TTC7B: variants seen among roughly 807,000 people sequenced by gnomAD.
TTC7B encodes the protein tetratricopeptide repeat domain 7B.
In TTC7B, 28 loss-of-function variants were observed where a neutral mutation model predicts 106.8. The observed-to-expected ratio is 0.26, with a 90% CI of 0.19 to 0.36. TTC7B has a LOEUF of 0.36. Ranked by LOEUF, TTC7B falls within the 10% of genes least tolerant of loss-of-function variation. The pLI, the probability that TTC7B is intolerant of heterozygous loss-of-function variation, is 1.00. For synonymous variants in TTC7B, 405 were observed against 430.6 expected (o/e 0.94, Z 0.74); for missense variants, 862 against 1,076.4 (o/e 0.80, Z 2.79).
In TTC7B at chr14:90,637,210, C is replaced by T. The variant is rs911412656; in HGVS notation, c.1751+6838G>A. On this transcript the variant is annotated intron_variant, in intron 15 of 19. Transcript: ENST00000328459. Reference sequence around the variant, plus strand: ...TTGAAAAAAACTTAACCAACAAATGCCATATGAAAAATAAACATTATGAAT... The same window carrying T: ...TTGAAAAAAACTTAACCAACAAATGTCATATGAAAAATAAACATTATGAAT... 4.0e-5 allele frequency among the ~76,000 whole-genome samples: 6 copies of T among 151,186 alleles called. No homozygotes were observed. In the South Asian group the frequency reaches 8.4e-4, roughly 21 times the overall value.
At chr14:90,588,571 C>T (rs942002328) in intron 18 of TTC7B, among the ~76,000 whole-genome samples, 1 of 152,102 alleles carries the variant, frequency 6.6e-6, no homozygotes, top group African/African-American at 2.4e-5. Flanking sequence ...AGGAATGGCT[C>T]CTGAGGAACC....
At chr14:90,798,509 G>A (rs903072119) in intron 1 of TTC7B, among the ~76,000 whole-genome samples, 4 of 152,088 alleles carry the variant, frequency 2.6e-5, no homozygotes, top group Non-Finnish European at 4.4e-5. Flanking sequence ...TCAAGAGTTC[G>A]AGACCAGCCT....
intron 17 of TTC7B, among the ~76,000 whole-genome samples, chr14:90,604,817 T>C (rs1892572528): frequency 1.3e-5 from 2 of 152,220 alleles, no homozygotes; most frequent in African/African-American, 2.4e-5. Flanking sequence ...TTGCTGTTCA[T>C]GGACAGGTTC....
At position 90,805,065 on chromosome 14, in the gene TTC7B, A is replaced by T. The variant is rs2030525117; in HGVS notation, c.121+11110T>A. Among the ~76,000 whole-genome samples, 1 of 152,034 alleles carries T rather than the reference A, an allele frequency of 6.6e-6. No homozygotes were observed. Among genetic ancestry groups the T allele is most frequent in the African/African-American group, 2.4e-5 (1 of 41,388 alleles). ...AGGCAGGGCTACACAGCCACCCTGG[A>T]GATGACACCAACAGTCTTCGGCGTG... On this transcript the variant is annotated intron_variant, in intron 1 of 19. Coordinates refer to ENST00000328459, the MANE Select transcript of TTC7B (RefSeq NM_001010854.2). The surrounding 1 kb of genome is among the most constrained non-coding windows in gnomAD (Gnocchi z 4.0).
intron 6 of TTC7B, among the ~76,000 whole-genome samples, chr14:90,694,718 A>ATATATTTTATTTTATTATAAAT (rs1887622512): frequency 7.3e-6 from 1 of 137,026 alleles, no homozygotes. Context: ...TTATTATAAA[A>ATATATTTTATTTTATTATAAAT]TAGGTATATT....
intron 8 of TTC7B, 121 bp from the exon 9 acceptor site, chr14:90,676,781 T>A (rs1291661025): frequency 3.1e-5 from 31 of 1,007,672 alleles, no homozygotes; most frequent in Non-Finnish European, 4.4e-5. Flanking sequence ...AGGGTAGGAA[T>A]GAGCAGAGGC....
At chr14:90,752,814 C>T (rs1221109191) in intron 3 of TTC7B, among the ~76,000 whole-genome samples, 1 of 152,238 alleles carries the variant, frequency 6.6e-6, no homozygotes, top group East Asian at 1.9e-4. Context: ...CTCACAATCT[C>T]CTGTCTCACT....
At chr14:90,629,058 T>C (rs1403645706) in intron 15 of TTC7B, among the ~76,000 whole-genome samples, 1 of 152,262 alleles carries the variant, frequency 6.6e-6, no homozygotes, top group Non-Finnish European at 1.5e-5. Context: ...CCTGGCACCA[T>C]GCCTGGCTGA....
chr14:90,734,421 CAAA>C (rs34498613), intron 4 of TTC7B, among the ~76,000 whole-genome samples: 6 of 119,756 alleles, frequency 5.0e-5, no homozygotes, highest in Admixed American at 1.7e-4. Flanking sequence ...CTCTGTCTCC[CAAA>C]AAAAAAAAAA....
rs1385946589 is a variant in TTC7B at position 90,807,244 on chromosome 14, C to A, written c.121+8931G>T. Among the ~76,000 whole-genome samples the A allele has an allele frequency of 6.6e-6, 1 of 152,170 alleles. No individual in the cohort carries two copies. The highest frequency in any genetic ancestry group is 1.5e-5 in the Non-Finnish European group (1 of 68,030). On this transcript the variant is annotated intron_variant, in intron 1 of 19. Coordinates refer to ENST00000328459, the MANE Select transcript of TTC7B (RefSeq NM_001010854.2). The surrounding 1 kb of genome is among the most constrained non-coding windows in gnomAD (Gnocchi z 4.1). ...TGCCCTGCCAGGCCCTGCTTACCCA[C>A]TCACTGCCACTGAGTCTGACCTCTC...
At chr14:90,621,539 G>A (rs572719104) in intron 15 of TTC7B, among the ~76,000 whole-genome samples, 2 of 151,974 alleles carry the variant, frequency 1.3e-5, no homozygotes, top group East Asian at 1.9e-4. Context: ...CAGAAGCCAC[G>A]TGGGTACGGC....
intron 5 of TTC7B, among the ~76,000 whole-genome samples, chr14:90,713,241 A>T (rs977806150): frequency 1.3e-5 from 2 of 152,098 alleles, no homozygotes; most frequent in Admixed American, 1.3e-4. Flanking sequence ...TCAGCCTCCC[A>T]AGTAGCTGAG....
intron 9 of TTC7B, among the ~76,000 whole-genome samples, chr14:90,671,857 T>C (rs1027092568): frequency 6.6e-6 from 1 of 152,236 alleles, no homozygotes; most frequent in African/African-American, 2.4e-5. Flanking sequence ...GGTCTTGAGA[T>C]GGGAGAGCAG....
intron 17 of TTC7B, among the ~76,000 whole-genome samples, chr14:90,609,723 G>T (rs144479559): frequency 1.0e-3 from 158 of 152,314 alleles, no homozygotes; most frequent in Non-Finnish European, 9.4e-4. Flanking sequence ...ACAGGAGCAG[G>T]TTCCAAATGA....
At chr14:90,653,254 C>T (rs891167043) in intron 12 of TTC7B, among the ~76,000 whole-genome samples, 6 of 152,218 alleles carry the variant, frequency 3.9e-5, no homozygotes, top group Non-Finnish European at 7.3e-5. Flanking sequence ...AGGGGAACGA[C>T]AAGCTCTATG....
At chr14:90,607,872 T>C (rs1892712210) in intron 17 of TTC7B, among the ~76,000 whole-genome samples, 1 of 152,184 alleles carries the variant, frequency 6.6e-6, no homozygotes, top group African/African-American at 2.4e-5. Context: ...AAGATACATA[T>C]GCTTGTTTGC....
chr14:90,593,418 G>T (rs1395042521), intron 18 of TTC7B, 68 bp downstream of exon 18: 26 of 1,491,050 alleles, frequency 1.7e-5, no homozygotes, highest in Non-Finnish European at 2.2e-5. Flanking sequence ...TGGCACAGCA[G>T]CGGGTTGTGG....
At chr14:90,603,424 T>A in intron 17 of TTC7B, 1 of 581,602 alleles carries the variant, frequency 1.7e-6, no homozygotes, top group Non-Finnish European at 2.6e-6. Flanking sequence ...TCTGGCTGTC[T>A]AGAATCATAT....
chr14:90,717,955 C>T (rs760733646), intron 5 of TTC7B, among the ~76,000 whole-genome samples: 1 of 152,196 alleles, frequency 6.6e-6, no homozygotes, highest in Non-Finnish European at 1.5e-5. Context: ...CACAGTCTGA[C>T]AGGCTCAGAG....
Sources: allele counts gnomAD v4.1 joint callset (sites outside exome capture counted in the v4.1 genomes callset), GRCh38; gene constraint gnomAD v4.1.1; non-coding constraint Gnocchi (gnomAD v3.1); transcripts MANE v1.5; gene names NCBI Gene and HGNC (gene_info 2026-07-23, HGNC 2026-07-21).